The following ZFAND3 variants were observed in gnomAD, a reference collection of about 807,000 sequenced individuals.
ZFAND3 encodes AN1-type zinc finger protein 3.
A neutral mutation model predicts 29.6 loss-of-function variants in ZFAND3; 10 were observed. The observed-to-expected ratio is 0.34, with a 90% CI of 0.21 to 0.57. The LOEUF (loss-of-function observed/expected upper bound fraction) is 0.57, where lower values mean the gene tolerates loss of function less well. Ranked by LOEUF, ZFAND3 falls within the 20% of genes least tolerant of loss-of-function variation. The probability of loss-of-function intolerance (pLI) is 0.86; values close to 1 mark genes in which losing one functional copy is unlikely to be tolerated. For missense variants in ZFAND3, 230 were observed against 304.5 expected (o/e 0.76, Z 1.82); for synonymous variants, 128 against 112.6 (o/e 1.14, Z -0.87).
chr6:37,914,229 C>T (rs142536264), intron 1 of ZFAND3, among the ~76,000 whole-genome samples: 4 of 152,114 alleles, frequency 2.6e-5, no homozygotes, highest in African/African-American at 7.2e-5. Flanking sequence ...TTTTTCTGAG[C>T]AGTAGTTCTT....
chr6:37,953,320 A>AT (rs1185049445), intron 2 of ZFAND3, among the ~76,000 whole-genome samples: 1 of 150,702 alleles, frequency 6.6e-6, no homozygotes, highest in African/African-American at 2.4e-5. Context: ...ACTTCTCACT[A>AT]TTTGTCAAGT....
intron 4 of ZFAND3, among the ~76,000 whole-genome samples, chr6:38,111,674 T>C (rs959889159): frequency 1.3e-5 from 2 of 152,252 alleles, no homozygotes; most frequent in African/African-American, 4.8e-5. Context: ...CTTACTTTAT[T>C]GTAAAAATAC....
intron 4 of ZFAND3, among the ~76,000 whole-genome samples, chr6:38,112,946 G>C (rs769034569): frequency 6.6e-6 from 1 of 152,158 alleles, no homozygotes; most frequent in African/African-American, 2.4e-5. Flanking sequence ...AGAATGGTTT[G>C]CTTCTCGAAG....
intron 2 of ZFAND3, among the ~76,000 whole-genome samples, chr6:37,978,040 C>T (rs1762519829): frequency 6.6e-6 from 1 of 151,948 alleles, no homozygotes; most frequent in African/African-American, 2.4e-5. Context: ...TCAAGTGATT[C>T]TCCTGCCTCA....
At chr6:37,823,445 C>T (rs568000586) in intron 1 of ZFAND3, among the ~76,000 whole-genome samples, 31 of 152,326 alleles carry the variant, frequency 2.0e-4, no homozygotes, top group Admixed American at 8.5e-4. Flanking sequence ...TTTAGGATTG[C>T]TGCTCTTTCG....
chr6:38,096,635 G>C (rs11961284), intron 4 of ZFAND3, among the ~76,000 whole-genome samples: 5,266 of 152,196 alleles, frequency 0.035, 248 homozygotes, highest in African/African-American at 0.1. Flanking sequence ...TATCAACTTT[G>C]TGGGGGTTTT....
intron 4 of ZFAND3, among the ~76,000 whole-genome samples, chr6:38,105,380 G>T (rs988007641): frequency 6.6e-6 from 1 of 152,024 alleles, no homozygotes; most frequent in African/African-American, 2.4e-5. Context: ...ACTCCAGCTC[G>T]GGTAACAGAG....
intron 1 of ZFAND3, among the ~76,000 whole-genome samples, chr6:37,928,077 A>G (rs1177083036): frequency 6.6e-6 from 1 of 152,124 alleles, no homozygotes; most frequent in African/African-American, 2.4e-5. Context: ...TTGATACTCA[A>G]TTTTCCTCAT....
In ZFAND3 at chr6:37,913,708, C is replaced by CTTTTTTTTTTTTTTTTTT. The variant is rs56045448; in HGVS notation, c.72-16249_72-16232dup. On this transcript the variant is annotated intron_variant, in intron 1 of 5. Coordinates refer to ENST00000287218, the MANE Select transcript of ZFAND3 (RefSeq NM_021943.3). ...CCCAGCTGTCTATGGCAGCTATATTCTTTTTTTTTTTTTTTTTTTGAGACA... is the reference window on the plus strand; with the variant it reads ...CCCAGCTGTCTATGGCAGCTATATTCTTTTTTTTTTTTTTTTTTTTTTTTTTTTTTTTTTTTTGAGACA... Among the ~76,000 whole-genome samples, 65 of 113,032 alleles carry CTTTTTTTTTTTTTTTTTT rather than the reference C, an allele frequency of 5.8e-4. 6 individuals carry two copies. Among genetic ancestry groups the CTTTTTTTTTTTTTTTTTT allele is most frequent in the Middle Eastern group, 5.6e-3 (1 of 180 alleles). The allele number at this position is 113,032 out of a possible 152,430, so 74.2% of individuals were successfully genotyped here.
intron 4 of ZFAND3, among the ~76,000 whole-genome samples, chr6:38,093,975 A>ACAAG (rs1334136104): frequency 6.6e-6 from 1 of 152,174 alleles, no homozygotes; most frequent in Non-Finnish European, 1.5e-5. Flanking sequence ...GAAGAGGCAT[A>ACAAG]CAAGCAAGAC....
intron 1 of ZFAND3, among the ~76,000 whole-genome samples, chr6:37,821,220 A>G (rs964377608): frequency 6.6e-6 from 1 of 152,226 alleles, no homozygotes. Context: ...AGTGGATCTT[A>G]ATGTAGACTT....
intron 2 of ZFAND3, among the ~76,000 whole-genome samples, chr6:37,988,931 GT>G (rs1220424040): frequency 1.3e-5 from 2 of 151,564 alleles, no homozygotes; most frequent in African/African-American, 4.9e-5. Context: ...TTGAGACAGA[GT>G]CTTGCTCTGT....
At chr6:37,993,472 G>A (rs548959911) in intron 2 of ZFAND3, among the ~76,000 whole-genome samples, 111 of 152,084 alleles carry the variant, frequency 7.3e-4, no homozygotes, top group African/African-American at 2.2e-3. Flanking sequence ...GATTACAGGC[G>A]CGTGCCACCA....
At chr6:37,881,863 A>G in intron 1 of ZFAND3, among the ~76,000 whole-genome samples, 1 of 152,204 alleles carries the variant, frequency 6.6e-6, no homozygotes, top group South Asian at 2.1e-4. Context: ...AAAAAAAAAA[A>G]CATTCCTTTG....
intron 1 of ZFAND3, among the ~76,000 whole-genome samples, chr6:37,872,382 A>C (rs968614510): frequency 3.3e-5 from 5 of 152,196 alleles, no homozygotes; most frequent in Non-Finnish European, 7.3e-5. Context: ...GAACATATTC[A>C]GTTCCACTTC....
At chr6:37,841,685 G>C (rs1450579796) in intron 1 of ZFAND3, among the ~76,000 whole-genome samples, 1 of 152,110 alleles carries the variant, frequency 6.6e-6, no homozygotes, top group Non-Finnish European at 1.5e-5. Context: ...GGGTTTCACT[G>C]TGTTAGCCAG....
intron 1 of ZFAND3, among the ~76,000 whole-genome samples, chr6:37,895,513 TTTTC>T (rs1264934944): frequency 1.3e-4 from 17 of 135,666 alleles, no homozygotes; most frequent in African/African-American, 5.5e-4. Flanking sequence ...ACTTTTTGAA[TTTTC>T]TTTTTTTTTT....
chr6:38,043,582 C>T (rs1480564610), intron 2 of ZFAND3, among the ~76,000 whole-genome samples: 1 of 148,396 alleles, frequency 6.7e-6, no homozygotes, highest in East Asian at 2.0e-4. Flanking sequence ...CCCTTCCCCT[C>T]TTCCCCTTCA....
At chr6:37,843,268 G>A (rs1220914835) in intron 1 of ZFAND3, among the ~76,000 whole-genome samples, 1 of 152,010 alleles carries the variant, frequency 6.6e-6, no homozygotes, top group East Asian at 1.9e-4. Flanking sequence ...GGTGGATCAC[G>A]AGGTAAGGAG....
Sources: allele counts gnomAD v4.1 joint callset (sites outside exome capture counted in the v4.1 genomes callset), GRCh38; gene constraint gnomAD v4.1.1; transcripts MANE v1.5; gene names NCBI Gene and HGNC (gene_info 2026-07-23, HGNC 2026-07-21).